The following GDA variants were observed in gnomAD, a reference collection of about 807,000 sequenced individuals.
GDA encodes cytoplasmic PSD-95 interactor.
GDA carries 18 observed loss-of-function variants against 59.6 expected under a neutral mutation model. The observed-to-expected ratio is 0.30, with a 90% CI of 0.21 to 0.45. The LOEUF is 0.45. GDA is among the 20% of genes least tolerant of loss of function. The pLI, the probability that GDA is intolerant of heterozygous loss-of-function variation, is 1.00. For missense variants in GDA, 427 were observed against 552.3 expected (o/e 0.77, Z 2.27); for synonymous variants, 201 against 201.1 (o/e 1.00, Z 0.00).
chr9:72,187,607 T>C (rs1399308318), intron 1 of GDA, among the ~76,000 whole-genome samples: 1 of 152,190 alleles, frequency 6.6e-6, no homozygotes, highest in Non-Finnish European at 1.5e-5. Flanking sequence ...GAATAATAGA[T>C]ACCTGAAAAT....
At chr9:72,168,426 G>A (rs866102457) in intron 1 of GDA, among the ~76,000 whole-genome samples, 2 of 127,558 alleles carry the variant, frequency 1.6e-5, no homozygotes, top group South Asian at 2.5e-4. Context: ...ATAGAGTCTC[G>A]CTCTCTTGCT....
At chr9:72,175,858 C>CA in intron 1 of GDA, among the ~76,000 whole-genome samples, 1 of 152,044 alleles carries the variant, frequency 6.6e-6, no homozygotes, top group South Asian at 2.1e-4. Context: ...ACCGGCAAGA[C>CA]AAAAAACAAA....
chr9:72,244,752 G>A (rs1839971863), intron 11 of GDA, among the ~76,000 whole-genome samples: 1 of 152,162 alleles, frequency 6.6e-6, no homozygotes, highest in Non-Finnish European at 1.5e-5. Flanking sequence ...AAAAAGCAAG[G>A]CAAGGAGTTG....
chr9:72,258,381 G>C (rs1840908787), downstream of GDA, among the ~76,000 whole-genome samples: 1 of 152,180 alleles, frequency 6.6e-6, no homozygotes, highest in South Asian at 2.1e-4. Context: ...AAAATGACCT[G>C]TTTTCTCTGC....
chr9:72,224,634 A>T (rs572464733), intron 7 of GDA, among the ~76,000 whole-genome samples: 1 of 152,116 alleles, frequency 6.6e-6, no homozygotes, highest in African/African-American at 2.4e-5. Flanking sequence ...TGGAGAACTC[A>T]TTCTGGAAAC....
chr9:72,170,206 T>G (rs1829787666), intron 1 of GDA, among the ~76,000 whole-genome samples: 1 of 152,220 alleles, frequency 6.6e-6, no homozygotes. Context: ...CACATAATTA[T>G]TCCTGAGCTC....
In GDA at chr9:72,250,794, C is replaced by T; in HGVS notation, c.*2452C>T. 3 of 1,609,426 alleles carry T rather than the reference C, an allele frequency of 1.9e-6. No individual in the cohort carries two copies. The highest frequency in any genetic ancestry group is 2.5e-6 in the Non-Finnish European group (3 of 1,176,868). ...CCAGCCTCCTCACCCCATCCTCCAC[C>T]ATTTCCTTAATGTTCCATGGTATTT... On this transcript the variant is annotated 3_prime_UTR_variant, in exon 14 of 14. Coordinates refer to ENST00000358399, the MANE Select transcript of GDA (RefSeq NM_004293.5).
downstream of GDA, chr9:72,252,239 TTCTC>T (rs550292635): frequency 6.0e-4 from 91 of 152,654 alleles, no homozygotes; most frequent in African/African-American, 2.0e-3. Flanking sequence ...TTGTTGTGAG[TTCTC>T]TCTGTTTGGT....
intron 10 of GDA, among the ~76,000 whole-genome samples, chr9:72,232,473 A>G (rs1838468392): frequency 6.6e-6 from 1 of 152,246 alleles, no homozygotes; most frequent in Non-Finnish European, 1.5e-5. Flanking sequence ...CAAGATTGTG[A>G]TAATTCTACA....
chr9:72,180,442 C>T (rs1831049063), intron 1 of GDA, among the ~76,000 whole-genome samples: 1 of 152,130 alleles, frequency 6.6e-6, no homozygotes, highest in Admixed American at 6.5e-5. Flanking sequence ...AAATCAATGT[C>T]TGTGTATCTG....
Position 72,149,525 on chromosome 9 carries a change from C to G in GDA, c.-35C>G, listed in dbSNP as rs765243495. 3.1e-6 allele frequency: 5 copies of G among 1,605,018 alleles called. No individual in the cohort carries two copies. In the African/African-American group the frequency reaches 5.4e-5, roughly 17 times the overall value. On this transcript the variant is annotated 5_prime_UTR_variant, in exon 1 of 14. Coordinates refer to ENST00000358399, the MANE Select transcript of GDA (RefSeq NM_004293.5). ...GCGTCTCCGCCGCGTGCGCCCTCCT[C>G]GACCAGCAGACCCGCGCTGCGCTCC...
chr9:72,247,542 G>A (rs1258382674), intron 13 of GDA, 109 bp downstream of exon 13: 1 of 658,082 alleles, frequency 1.5e-6, no homozygotes. Flanking sequence ...CTCTGTGGAT[G>A]ATAATTTGCT....
At chr9:72,256,963 A>G (rs1840894014), downstream of GDA, 1 of 152,342 alleles carries the variant, frequency 6.6e-6, no homozygotes, top group African/African-American at 2.4e-5. Context: ...TTTCCTATTC[A>G]CTGGCAGATA....
intron 8 of GDA, among the ~76,000 whole-genome samples, chr9:72,226,362 A>G (rs1169980830): frequency 1.3e-5 from 2 of 152,226 alleles, no homozygotes; most frequent in Non-Finnish European, 2.9e-5. Flanking sequence ...GTGTATGTAC[A>G]TATGTATAGA....
intron 2 of GDA, among the ~76,000 whole-genome samples, chr9:72,197,143 T>A (rs1352317778): frequency 6.6e-6 from 1 of 152,166 alleles, no homozygotes; most frequent in Non-Finnish European, 1.5e-5. Context: ...GCTTTGCAGA[T>A]GTTAAAAGTC....
At chr9:72,156,924 A>G (rs563641657) in intron 1 of GDA, among the ~76,000 whole-genome samples, 1 of 151,398 alleles carries the variant, frequency 6.6e-6, no homozygotes, top group Non-Finnish European at 1.5e-5. Flanking sequence ...TGAGACTGTG[A>G]GGAAAAGGTT....
In GDA at chr9:72,195,530, GA is replaced by G; in HGVS notation, c.159del (p.Lys53AsnfsTer13). ...GTTTTTAGAAGAAGCATCTCAACAG[GA>G]AAAACTGGCCAAAGAATGGTGCTTC... ...IVFLEEASQQ[E>X]KLAKEWCFKP... is the part of the protein sequence containing the mutation. On this transcript the variant is annotated frameshift_variant, in exon 2 of 14. Transcript: ENST00000358399. LOFTEE classifies it high-confidence loss of function. 6.4e-7 allele frequency: 1 copy of G among 1,573,030 alleles called. No individual in the cohort carries two copies. The highest frequency in any genetic ancestry group is 8.7e-7 in the Non-Finnish European group (1 of 1,149,390).
At chr9:72,197,127 A>G (rs1165332185) in intron 2 of GDA, among the ~76,000 whole-genome samples, 1 of 152,214 alleles carries the variant, frequency 6.6e-6, no homozygotes, top group East Asian at 1.9e-4. Context: ...CACAGACTGT[A>G]CTGTAGCTTT....
chr9:72,246,169 C>T (rs191038421), intron 12 of GDA, among the ~76,000 whole-genome samples: 31 of 152,208 alleles, frequency 2.0e-4, no homozygotes, highest in African/African-American at 5.8e-4. Context: ...TTTTTTGAGA[C>T]GGAGTTTTGC....
Sources: allele counts gnomAD v4.1 joint callset (sites outside exome capture counted in the v4.1 genomes callset), GRCh38; gene constraint gnomAD v4.1.1; transcripts MANE v1.5; gene names NCBI Gene and HGNC (gene_info 2026-07-23, HGNC 2026-07-21).